The following ASB18 variants were observed in gnomAD, a reference collection of about 807,000 sequenced individuals.
ASB18 encodes the protein ankyrin repeat and SOCS box protein 18.
In ASB18, 33 loss-of-function variants were observed where a neutral mutation model predicts 33.4. The ratio of observed to expected loss-of-function variants is 0.99; its 90% CI spans 0.75 to 1.32. The LOEUF (loss-of-function observed/expected upper bound fraction) is 1.32, where lower values mean the gene tolerates loss of function less well. Among genes scored for constraint, ASB18 ranks in the 40% most tolerant of loss-of-function variants. The pLI is 0.00. For missense variants in ASB18, 694 were observed against 655.5 expected (o/e 1.06, Z -0.64); for synonymous variants, 295 against 307.6 (o/e 0.96, Z 0.43).
At chr2:236,207,823 T>C (rs886665406) in intron 4 of ASB18, among the ~76,000 whole-genome samples, 2 of 151,068 alleles carry the variant, frequency 1.3e-5, no homozygotes, top group Admixed American at 1.3e-4. Flanking sequence ...GGCTGACTTT[T>C]TTTTTTTTTT....
At chr2:236,243,238 G>C (rs369340710) in intron 1 of ASB18, among the ~76,000 whole-genome samples, 1 of 149,702 alleles carries the variant, frequency 6.7e-6, no homozygotes, top group Non-Finnish European at 1.5e-5. Flanking sequence ...GCTTAGGTGA[G>C]AGAATGGCGT....
rs1040065722 is a variant in ASB18 at position 236,209,832 on chromosome 2, T to C, written c.1101+4530A>G. 3.3e-5 allele frequency among the ~76,000 whole-genome samples: 5 copies of C among 152,222 alleles called. No individual in the cohort carries two copies. The highest frequency in any genetic ancestry group is 5.9e-5 in the Non-Finnish European group (4 of 68,038). ...GTCTCAACTGGTGCCCCCTAGCTGT[T>C]TCCTCTCCAACGACTAGCTCATTTT... On this transcript the variant is annotated intron_variant, in intron 4 of 5. Coordinates refer to ENST00000409749, the MANE Select transcript of ASB18 (RefSeq NM_212556.4). The surrounding 1 kb of genome is among the most constrained non-coding windows in gnomAD (Gnocchi z 4.4).
intron 3 of ASB18, among the ~76,000 whole-genome samples, chr2:236,232,745 A>G (rs1360425523): frequency 6.6e-6 from 1 of 152,036 alleles, no homozygotes; most frequent in Non-Finnish European, 1.5e-5. Flanking sequence ...AAAAAAAAAG[A>G]AATAATCTGA....
Position 236,223,333 on chromosome 2 carries a change from T to C in ASB18, c.597-8467A>G, listed in dbSNP as rs951511440. Among the ~76,000 whole-genome samples, 1 of 152,186 alleles carries C rather than the reference T, an allele frequency of 6.6e-6. No homozygotes were observed. Among genetic ancestry groups the C allele is most frequent in the African/African-American group, 2.4e-5 (1 of 41,438 alleles). On this transcript the variant is annotated intron_variant, in intron 3 of 5. Transcript: ENST00000409749. The surrounding 1 kb of genome is among the most constrained non-coding windows in gnomAD (Gnocchi z 4.6). ...CTTCCTCAGTAAGGCATGCATAACA[T>C]TTCTTTCTCTTTCTCTCATCCCCTG...
At chr2:236,232,848 A>G (rs1211863825) in intron 3 of ASB18, among the ~76,000 whole-genome samples, 1 of 152,122 alleles carries the variant, frequency 6.6e-6, no homozygotes, top group Non-Finnish European at 1.5e-5. Flanking sequence ...GAATTCTACC[A>G]AACATTTAAG....
At position 236,217,956 on chromosome 2, in the gene ASB18, G is replaced by A. The variant is rs1404189198; in HGVS notation, c.597-3090C>T. ...AAGGGTTCCTTCTCGTTTTGCCACTGAGCCTGTGTGCACTTGCAAACAATT... is the reference window on the plus strand; with the variant it reads ...AAGGGTTCCTTCTCGTTTTGCCACTAAGCCTGTGTGCACTTGCAAACAATT... On this transcript the variant is annotated intron_variant, in intron 3 of 5. Transcript: ENST00000409749. The surrounding 1 kb of genome is among the most constrained non-coding windows in gnomAD (Gnocchi z 5.2). Among the ~76,000 whole-genome samples, 1 of 152,234 alleles carries A rather than the reference G, an allele frequency of 6.6e-6. No homozygotes were observed. The highest frequency in any genetic ancestry group is 1.5e-5 in the Non-Finnish European group (1 of 68,042).
rs888341636 is a variant in ASB18, at chr2:236,209,071, G to A, written c.1101+5291C>T. 5.9e-5 allele frequency among the ~76,000 whole-genome samples: 9 copies of A among 152,150 alleles called. No individual in the cohort carries two copies. The highest frequency in any genetic ancestry group is 1.9e-4 in the African/African-American group (8 of 41,416). On this transcript the variant is annotated intron_variant, in intron 4 of 5. Coordinates refer to ENST00000409749, the MANE Select transcript of ASB18 (RefSeq NM_212556.4). The surrounding 1 kb of genome is among the most constrained non-coding windows in gnomAD (Gnocchi z 4.4). ...TGCACGCAACTCTGTGAAGATGGGA[G>A]GGGGAGCCCTGGTTTTTGACTACTG...
At position 236,256,438 on chromosome 2, in the gene ASB18, G is replaced by A. The variant is rs1235664699; in HGVS notation, c.205+7703C>T. 6.6e-6 allele frequency among the ~76,000 whole-genome samples: 1 copy of A among 152,176 alleles called. No homozygotes were observed. Among genetic ancestry groups the A allele is most frequent in the Non-Finnish European group, 1.5e-5 (1 of 68,040 alleles). On this transcript the variant is annotated intron_variant, in intron 1 of 5. Coordinates refer to ENST00000409749, the MANE Select transcript of ASB18 (RefSeq NM_212556.4). The surrounding 1 kb of genome is among the most constrained non-coding windows in gnomAD (Gnocchi z 4.7). Reference sequence around the variant, plus strand: ...TGGCATTAAAAGATAGTGGGGCATTGGATGGGAAGCTAGAATCAGGCTACA... The same window carrying A: ...TGGCATTAAAAGATAGTGGGGCATTAGATGGGAAGCTAGAATCAGGCTACA...
At chr2:236,199,851 T>C (rs1002156225) in intron 4 of ASB18, among the ~76,000 whole-genome samples, 2 of 152,182 alleles carry the variant, frequency 1.3e-5, no homozygotes, top group African/African-American at 2.4e-5. Context: ...GAAGGCACAG[T>C]AGATCTTGCA....
rs777156613 is a variant in ASB18, at chr2:236,241,238, C to T, written c.328+42G>A. On this transcript the variant is annotated intron_variant, in intron 2 of 5. Transcript: ENST00000409749. The surrounding 1 kb of genome is among the most constrained non-coding windows in gnomAD (Gnocchi z 4.2). The stretch of plus-strand genomic sequence containing the variant: ...TTACACTCCCAGAGAGTATTAGTAG[C>T]CCCTTAAAAATAAATGACTGAGCTT... 14 of 1,604,814 alleles carry T rather than the reference C, an allele frequency of 8.7e-6. No homozygotes were observed. The East Asian group carries it at 2.2e-4, about 26-fold the overall frequency.
rs954047242 is a variant in ASB18, at chr2:236,255,868, C to T, written c.205+8273G>A. ...CACGTGCCATGCCTTGGGTGCACTA[C>T]GTTTCCTGCTCGCCTCCCTTTATCT... On this transcript the variant is annotated intron_variant, in intron 1 of 5. Transcript: ENST00000409749. This position sits in a 1 kb window ranked among gnomAD's most constrained non-coding sequence, Gnocchi z 4.4. 2.0e-5 allele frequency among the ~76,000 whole-genome samples: 3 copies of T among 152,156 alleles called. No individual in the cohort carries two copies. The highest frequency in any genetic ancestry group is 6.5e-5 in the Admixed American group (1 of 15,276).
chr2:236,209,848 A>G lies in ASB18; in HGVS notation c.1101+4514T>C, dbSNP rs1247540775. Among the ~76,000 whole-genome samples the G allele has an allele frequency of 6.6e-6, 1 of 152,164 alleles. No individual in the cohort carries two copies. The highest frequency in any genetic ancestry group is 1.5e-5 in the Non-Finnish European group (1 of 68,034). On this transcript the variant is annotated intron_variant, in intron 4 of 5. Coordinates refer to ENST00000409749, the MANE Select transcript of ASB18 (RefSeq NM_212556.4). This position sits in a 1 kb window ranked among gnomAD's most constrained non-coding sequence, Gnocchi z 4.4. ...CCTAGCTGTTTCCTCTCCAACGACT[A>G]GCTCATTTTTCCAACTGCACACATT...
intron 3 of ASB18, among the ~76,000 whole-genome samples, chr2:236,233,936 C>T (rs530012930): frequency 1.3e-4 from 20 of 152,122 alleles, no homozygotes; most frequent in Non-Finnish European, 2.6e-4. Flanking sequence ...CTAGAATAGC[C>T]AAAACAACTT....
chr2:236,209,681 C>T lies in ASB18; in HGVS notation c.1101+4681G>A, dbSNP rs540901204. Among the ~76,000 whole-genome samples, 1 of 152,242 alleles carries T rather than the reference C, an allele frequency of 6.6e-6. No individual in the cohort carries two copies. Among genetic ancestry groups the T allele is most frequent in the Non-Finnish European group, 1.5e-5 (1 of 68,040 alleles). ...AGCCCCCTACCTGGTGTGTTCTCTA[C>T]GTCGAGCTTAGAAATTCCAAAATAC... is the stretch of plus-strand genomic sequence containing the variant. On this transcript the variant is annotated intron_variant, in intron 4 of 5. Coordinates refer to ENST00000409749, the MANE Select transcript of ASB18 (RefSeq NM_212556.4). The surrounding 1 kb of genome is among the most constrained non-coding windows in gnomAD (Gnocchi z 4.4).
intron 3 of ASB18, among the ~76,000 whole-genome samples, chr2:236,232,023 A>G (rs1033821684): frequency 6.6e-6 from 1 of 152,218 alleles, no homozygotes; most frequent in Non-Finnish European, 1.5e-5. Context: ...ATTTACATTT[A>G]TAGAATACTA....
rs765875647 is a variant in ASB18 at position 236,223,014 on chromosome 2, C to T, written c.597-8148G>A. Among the ~76,000 whole-genome samples the T allele has an allele frequency of 1.7e-4, 26 of 151,914 alleles. No homozygotes were observed. Among genetic ancestry groups the T allele is most frequent in the Admixed American group, 5.9e-4 (9 of 15,266 alleles). On this transcript the variant is annotated intron_variant, in intron 3 of 5. Coordinates refer to ENST00000409749, the MANE Select transcript of ASB18 (RefSeq NM_212556.4). The surrounding 1 kb of genome is among the most constrained non-coding windows in gnomAD (Gnocchi z 4.6). ...CAGCCTGGGTGACAGAGCGAGACTC[C>T]GTCTCCAAAAAAAGGTGTGTGACAC...
At position 236,196,081 on chromosome 2, in the gene ASB18, C is replaced by T. The variant is rs2106261137; in HGVS notation, c.1215+191G>A. ...GGCCATGGCACCGCAACTACTATAA[C>T]AAGCTCCTGGCTGTGTGATTATGGA... On this transcript the variant is annotated intron_variant, in intron 5 of 5. Coordinates refer to ENST00000409749, the MANE Select transcript of ASB18 (RefSeq NM_212556.4). The surrounding 1 kb of genome is among the most constrained non-coding windows in gnomAD (Gnocchi z 5.6). The T allele has an allele frequency of 1.6e-6, 1 of 618,798 alleles. No individual in the cohort carries two copies. The highest frequency in any genetic ancestry group is 1.8e-5 in the South Asian group (1 of 54,074). 38.3% of individuals were successfully genotyped at this position (618,798 alleles called of 1,614,324 possible).
rs1161648778 is a variant in ASB18, at chr2:236,224,185, GTTTTT to G, written c.597-9324_597-9320del. Among the ~76,000 whole-genome samples the G allele has an allele frequency of 3.1e-4, 21 of 66,802 alleles. No individual in the cohort carries two copies. In the South Asian group the frequency reaches 5.6e-3, roughly 18 times the overall value. 43.8% of individuals were successfully genotyped at this position (66,802 alleles called of 152,430 possible). A position where few individuals can be genotyped will look rare whatever the true frequency, so the allele number is the denominator to read the frequency against. On this transcript the variant is annotated intron_variant, in intron 3 of 5. Coordinates refer to ENST00000409749, the MANE Select transcript of ASB18 (RefSeq NM_212556.4). ...TCTTGTCAACATTTGGTGTTGTCAG[GTTTTT>G]TTTTTTTTTTTTTTTTTTTTTTTTA...
chr2:236,242,636 A>G (rs1001956874), intron 1 of ASB18, among the ~76,000 whole-genome samples: 1 of 151,946 alleles, frequency 6.6e-6, no homozygotes, highest in Admixed American at 6.6e-5. Context: ...TTTTTTTTTA[A>G]ATTATTTTTC....
Sources: allele counts gnomAD v4.1 joint callset (sites outside exome capture counted in the v4.1 genomes callset), GRCh38; gene constraint gnomAD v4.1.1; non-coding constraint Gnocchi (gnomAD v3.1); transcripts MANE v1.5; gene names NCBI Gene and HGNC (gene_info 2026-07-23, HGNC 2026-07-21).